Variants in DMD observed in about 807,000 individuals in gnomAD.
The protein encoded by DMD is dystrophin, also known as mutant dystrophin.
Under a neutral mutation model 330.1 loss-of-function variants are expected in DMD, and 63 were observed. The observed-to-expected ratio is 0.19, with a 90% CI of 0.16 to 0.24. The LOEUF (loss-of-function observed/expected upper bound fraction) is 0.24, where lower values mean the gene tolerates loss of function less well. Among genes scored for constraint, DMD ranks in the 10% least tolerant of loss-of-function variants. The probability of loss-of-function intolerance (pLI) is 1.00; values close to 1 mark genes in which losing one functional copy is unlikely to be tolerated. For synonymous variants in DMD, 1,223 were observed against 959.8 expected (o/e 1.27, Z -5.07); for missense variants, 3,344 against 2,684.1 (o/e 1.25, Z -5.43).
chrX:32,563,342 CAAAAAAAAAAA>C, intron 16 of DMD, among the ~76,000 whole-genome samples: 1 of 42,845 alleles, frequency 2.3e-5, no homozygotes, highest in South Asian at 1.9e-3. Context: ...GACTCCATCT[CAAAAAAAAAAA>C]AAAAAAAAAA....
intron 33 of DMD, among the ~76,000 whole-genome samples, chrX:32,382,926 G>T (rs907238678): frequency 1.8e-5 from 2 of 110,655 alleles, no homozygotes; most frequent in African/African-American, 3.3e-5. Context: ...TGTATGCGAG[G>T]AATGGATACG....
chrX:32,033,654 AAG>A (rs1491165223), intron 44 of DMD, among the ~76,000 whole-genome samples: 600 of 5,741 alleles, frequency 0.1, 15 homozygotes, highest in African/African-American at 0.41. Context: ...AGAAAGAAAG[AAG>A]AAAGAAAGAA....
intron 1 of DMD, among the ~76,000 whole-genome samples, chrX:33,316,318 GA>G (rs1229667696): frequency 9.0e-6 from 1 of 110,615 alleles, no homozygotes; most frequent in Non-Finnish European, 1.9e-5. Context: ...TAGGAAAGAT[GA>G]AAAACCCCTG....
intron 18 of DMD, among the ~76,000 whole-genome samples, chrX:32,506,359 A>G (rs2044620623): frequency 9.2e-6 from 1 of 108,333 alleles, no homozygotes; most frequent in African/African-American, 3.4e-5. Flanking sequence ...GTCTATTAAA[A>G]TCACAAAAAA....
chrX:32,476,581 G>A (rs1340809210), intron 21 of DMD, among the ~76,000 whole-genome samples: 1 of 111,971 alleles, frequency 8.9e-6, no homozygotes, highest in Non-Finnish European at 1.9e-5. Context: ...ATGACACTAT[G>A]TAATGACAGC....
At chrX:31,903,047 A>G (rs2094441398) in intron 47 of DMD, among the ~76,000 whole-genome samples, 1 of 111,655 alleles carries the variant, frequency 9.0e-6, no homozygotes, top group African/African-American at 3.2e-5. Flanking sequence ...GAACAATGAC[A>G]TCCAATAAAA....
At chrX:31,374,710 A>G (rs963069350) in intron 60 of DMD, among the ~76,000 whole-genome samples, 10 of 101,674 alleles carry the variant, frequency 9.8e-5, no homozygotes, top group Non-Finnish European at 8.0e-5. Flanking sequence ...ATTAGGAGAT[A>G]TACCTAATGC....
At chrX:32,808,046 C>G (rs2077085531) in intron 7 of DMD, among the ~76,000 whole-genome samples, 1 of 111,796 alleles carries the variant, frequency 8.9e-6, no homozygotes, top group African/African-American at 3.3e-5. Context: ...TCTGCCCTTT[C>G]TACCTCACTG....
intron 57 of DMD, among the ~76,000 whole-genome samples, chrX:31,482,062 A>T (rs2068329779): frequency 9.0e-6 from 1 of 111,489 alleles, no homozygotes; most frequent in Non-Finnish European, 1.9e-5. Context: ...ATCAGCGTTC[A>T]TCATGTTGCC....
intron 13 of DMD, among the ~76,000 whole-genome samples, chrX:32,583,262 G>T (rs765043593): frequency 9.0e-6 from 1 of 111,614 alleles, no homozygotes; most frequent in Non-Finnish European, 1.9e-5. Context: ...TCGGCAGGCC[G>T]AGGCTGGCAG....
intron 41 of DMD, among the ~76,000 whole-genome samples, chrX:32,328,205 T>C (rs955420772): frequency 1.6e-4 from 18 of 111,861 alleles, no homozygotes; most frequent in Non-Finnish European, 5.6e-5. Flanking sequence ...AATGTAATAC[T>C]TCTGTTTTGA....
chrX:33,233,189 C>T (rs1251966813), intron 1 of DMD, among the ~76,000 whole-genome samples: 1 of 111,159 alleles, frequency 9.0e-6, no homozygotes, highest in African/African-American at 3.3e-5. Flanking sequence ...CCTATAAATA[C>T]AAACAAATAT....
intron 45 of DMD, among the ~76,000 whole-genome samples, chrX:31,937,550 G>A (rs758314536): frequency 3.9e-4 from 44 of 111,492 alleles, no homozygotes; most frequent in African/African-American, 7.8e-4. Flanking sequence ...ACAAAATCCC[G>A]TTGGGACCTT....
At chrX:32,167,608 T>G (rs1245506935) in intron 44 of DMD, among the ~76,000 whole-genome samples, 1 of 112,538 alleles carries the variant, frequency 8.9e-6, no homozygotes, top group Non-Finnish European at 1.9e-5. Flanking sequence ...CACATCATCG[T>G]AAACCAACGG....
At chrX:31,146,699 T>C (rs909844320) in intron 75 of DMD, among the ~76,000 whole-genome samples, 12 of 112,411 alleles carry the variant, frequency 1.1e-4, no homozygotes, top group Non-Finnish European at 1.7e-4. Flanking sequence ...TAGAAGGTCA[T>C]GTGTGAATGA....
At chrX:31,327,601 T>C (rs1179424785) in intron 61 of DMD, among the ~76,000 whole-genome samples, 1 of 112,037 alleles carries the variant, frequency 8.9e-6, no homozygotes, top group African/African-American at 3.2e-5. Flanking sequence ...ACTTTTCTCA[T>C]ACTTGGTGGA....
At chrX:31,569,604 ATG>A (rs2075657430) in intron 55 of DMD, among the ~76,000 whole-genome samples, 1 of 98,995 alleles carries the variant, frequency 1.0e-5, no homozygotes, top group African/African-American at 3.9e-5. Context: ...ATACACATAT[ATG>A]TATATACGTA....
At chrX:32,822,960 A>G (rs2078396979) in intron 5 of DMD, among the ~76,000 whole-genome samples, 1 of 111,916 alleles carries the variant, frequency 8.9e-6, no homozygotes, top group South Asian at 3.7e-4. Context: ...GGTAGTGATT[A>G]AAATAAAACA....
intron 44 of DMD, among the ~76,000 whole-genome samples, chrX:32,139,469 T>C (rs1178073961): frequency 8.9e-6 from 1 of 112,503 alleles, no homozygotes; most frequent in Non-Finnish European, 1.9e-5. Context: ...GTCATTACTT[T>C]ATAAAAATAA....
Sources: gnomAD v4.1 joint callset for allele counts (sites outside exome capture counted in the v4.1 genomes callset) on GRCh38, gnomAD v4.1.1 for gene constraint, MANE v1.5 for transcripts, NCBI Gene and HGNC (gene_info 2026-07-23, HGNC 2026-07-21) for gene names.